Variants in DLAT observed in about 807,000 individuals in gnomAD.
DLAT encodes dihydrolipoyllysine-residue acetyltransferase component of pyruvate dehydrogenase complex, mitochondrial.
DLAT carries 43 observed loss-of-function variants against 68.0 expected under a neutral mutation model. That is an observed-to-expected ratio of 0.63 (90% CI 0.50 to 0.81). The LOEUF is 0.81. Ranked by LOEUF, DLAT falls within the 40% of genes least tolerant of loss-of-function variation. The pLI, the probability that DLAT is intolerant of heterozygous loss-of-function variation, is 0.00. For missense variants in DLAT, 745 were observed against 815.4 expected, an observed-to-expected ratio of 0.91 and a Z score of 1.05; for synonymous variants, 265 against 288.6, an observed-to-expected ratio of 0.92 and a Z score of 0.83.
In DLAT at chr11:112,062,564, G is replaced by A. The variant is rs782480719; in HGVS notation, c.*29G>A. 7 of 1,609,420 alleles carry A rather than the reference G, an allele frequency of 4.3e-6. No homozygotes were observed. Among genetic ancestry groups the A allele is most frequent in the Non-Finnish European group, 5.1e-6 (6 of 1,177,844 alleles). ...ACTCAAGAATTTCTAAACTCTCCCA[G>A]GTCACACTGATTCATTCTTAACAAG... On this transcript the variant is annotated 3_prime_UTR_variant, in exon 14 of 14. Transcript: ENST00000280346.
chr11:112,059,914 T>C lies in DLAT; in HGVS notation c.1526T>C (p.Val509Ala), dbSNP rs1202658749. 27 of 1,608,512 alleles carry C rather than the reference T, an allele frequency of 1.7e-5. No homozygotes were observed. Among genetic ancestry groups the C allele is most frequent in the Non-Finnish European group, 2.0e-5 (23 of 1,177,350 alleles). Residue 509 changes from valine to alanine, a missense_variant, in exon 12 of 14, where the codon GTT becomes GCT. Physicochemically the swap from Val to Ala is moderately conservative, Grantham distance 64. Coordinates refer to ENST00000280346, the MANE Select transcript of DLAT (RefSeq NM_001931.5). ...MDTVIRQNHVVDVSVAVSTPA... is the reference protein window; with the variant it reads ...MDTVIRQNHVADVSVAVSTPA... ...TTCTTTTTAAACAGAAATCATGTTG[T>C]TGATGTCAGTGTTGCGGTCAGTACT...
At chr11:112,030,166 C>T in intron 4 of DLAT, 1 of 652,098 alleles carries the variant, frequency 1.5e-6, no homozygotes, top group Middle Eastern at 2.7e-4. Flanking sequence ...TCCTTTATGA[C>T]CCTGTGGAAA....
At chr11:112,031,105 T>C (rs1017738827) in intron 4 of DLAT, among the ~76,000 whole-genome samples, 56 of 152,340 alleles carry the variant, frequency 3.7e-4, no homozygotes, top group African/African-American at 1.3e-3. Flanking sequence ...CTTCACTGTT[T>C]CTTAAGAAGC....
chr11:112,048,594 C>G (rs896167203), intron 10 of DLAT, among the ~76,000 whole-genome samples: 1 of 152,146 alleles, frequency 6.6e-6, no homozygotes, highest in Non-Finnish European at 1.5e-5. Context: ...GGTGCAGTGG[C>G]GTGATCTTGG....
intron 2 of DLAT, among the ~76,000 whole-genome samples, chr11:112,027,576 C>T (rs1217902818): frequency 6.6e-6 from 1 of 151,494 alleles, no homozygotes. Flanking sequence ...TGTAGCGAGC[C>T]GAGATCACGC....
intron 11 of DLAT, among the ~76,000 whole-genome samples, chr11:112,058,616 A>AGGGGGGGG (rs587768977): frequency 1.7e-5 from 1 of 59,014 alleles, no homozygotes; most frequent in Non-Finnish European, 3.0e-5. Context: ...GGGTGGGGGA[A>AGGGGGGGG]GGGGGGGGTG....
At chr11:112,048,753 C>T (rs1555181718) in intron 10 of DLAT, among the ~76,000 whole-genome samples, 2 of 151,942 alleles carry the variant, frequency 1.3e-5, no homozygotes, top group South Asian at 2.1e-4. Context: ...AGGCTGGTCT[C>T]GAACTCTTGA....
chr11:112,052,922 A>T (rs1863743451), intron 11 of DLAT, among the ~76,000 whole-genome samples: 1 of 152,142 alleles, frequency 6.6e-6, no homozygotes, highest in South Asian at 2.1e-4. Context: ...CATTATAAAT[A>T]ACAAAACATA....
chr11:112,054,766 A>G (rs1863902992), intron 11 of DLAT, among the ~76,000 whole-genome samples: 1 of 152,228 alleles, frequency 6.6e-6, no homozygotes, highest in Non-Finnish European at 1.5e-5. Flanking sequence ...CAAGTCTGAA[A>G]TCAGGGTTTC....
At position 112,051,125 on chromosome 11, in the gene DLAT, A is replaced by T; in HGVS notation, c.1399-109A>T. 1.4e-6 allele frequency: 1 copy of T among 726,566 alleles called. No individual in the cohort carries two copies. Among genetic ancestry groups the T allele is most frequent in the Non-Finnish European group, 2.3e-6 (1 of 438,446 alleles). The allele number at this position is 726,566 out of a possible 1,614,324, so 45.0% of individuals were successfully genotyped here. ...GACAGGTGCAGCAAACCACCATGGC[A>T]CATGTTTACCTATATAATAAACCTG... On this transcript the variant is annotated intron_variant, in intron 10 of 13. Transcript: ENST00000280346. The surrounding 1 kb of genome is among the most constrained non-coding windows in gnomAD (Gnocchi z 4.3).
In DLAT at chr11:112,062,977, G is replaced by A. The variant is rs1864728544; in HGVS notation, c.*442G>A. 2 of 163,738 alleles carry A rather than the reference G, an allele frequency of 1.2e-5. No individual in the cohort carries two copies. The highest frequency in any genetic ancestry group is 2.7e-5 in the Non-Finnish European group (2 of 74,482). The allele number at this position is 163,738 out of a possible 1,614,324, so 10.1% of individuals were successfully genotyped here. On this transcript the variant is annotated 3_prime_UTR_variant, in exon 14 of 14. Transcript: ENST00000280346. The stretch of plus-strand genomic sequence containing the variant: ...AGAAAAATTAATTCTCTTGGGGGAA[G>A]GGCTTGAATTGAAGCTTTACTTTAG...
chr11:112,052,193 G>A (rs975488901), intron 11 of DLAT, among the ~76,000 whole-genome samples: 1 of 152,130 alleles, frequency 6.6e-6, no homozygotes, highest in South Asian at 2.1e-4. Context: ...TCACAGCACC[G>A]CTTCTGTGAC....
intron 7 of DLAT, among the ~76,000 whole-genome samples, chr11:112,040,246 T>A (rs1207682492): frequency 6.6e-6 from 1 of 152,218 alleles, no homozygotes; most frequent in African/African-American, 2.4e-5. Context: ...GAAGTTATTA[T>A]GCTTGGAACT....
At chr11:112,032,968 G>T (rs1347303824) in intron 4 of DLAT, among the ~76,000 whole-genome samples, 1 of 152,162 alleles carries the variant, frequency 6.6e-6, no homozygotes, top group Admixed American at 6.5e-5. Flanking sequence ...GGAGGCTGAG[G>T]CAGGAGAATC....
chr11:112,062,784 TG>T lies in DLAT; in HGVS notation c.*251del. The T allele has an allele frequency of 2.2e-6, 1 of 451,754 alleles. No homozygotes were observed. The highest frequency in any genetic ancestry group is 4.6e-5 in the East Asian group (1 of 21,812). 28.0% of individuals were successfully genotyped at this position (451,754 alleles called of 1,614,324 possible). ...TACTCCTAATTAAGGGACATGTATG[TG>T]GCCTTGCCTAGCCCTTTGGTGATAA... On this transcript the variant is annotated 3_prime_UTR_variant, in exon 14 of 14. Coordinates refer to ENST00000280346, the MANE Select transcript of DLAT (RefSeq NM_001931.5).
At chr11:112,053,166 A>G (rs898511168) in intron 11 of DLAT, among the ~76,000 whole-genome samples, 6 of 152,124 alleles carry the variant, frequency 3.9e-5, no homozygotes, top group Non-Finnish European at 8.8e-5. Flanking sequence ...TACTAAAAAT[A>G]CAAAAATTAG....
intron 11 of DLAT, among the ~76,000 whole-genome samples, chr11:112,052,701 G>A (rs955374670): frequency 6.6e-6 from 1 of 151,954 alleles, no homozygotes. Context: ...GGGAGAAAAA[G>A]GAAAGGAAGA....
intron 4 of DLAT, chr11:112,029,933 A>C (rs1208856689): frequency 1.3e-6 from 1 of 764,080 alleles, no homozygotes; most frequent in Non-Finnish European, 2.3e-6. Context: ...GAAGTCCATC[A>C]GTGATTTTTC....
intron 7 of DLAT, among the ~76,000 whole-genome samples, chr11:112,042,576 A>T (rs1007862624): frequency 6.6e-6 from 1 of 152,144 alleles, no homozygotes; most frequent in South Asian, 2.1e-4. Context: ...GTTTGACCAA[A>T]TTTTTCCTAG....
Sources: allele counts gnomAD v4.1 joint callset (sites outside exome capture counted in the v4.1 genomes callset), GRCh38; gene constraint gnomAD v4.1.1; non-coding constraint Gnocchi (gnomAD v3.1); transcripts MANE v1.5; gene names NCBI Gene and HGNC (gene_info 2026-07-23, HGNC 2026-07-21).